The following PRSS54 variants were observed in gnomAD, a reference collection of about 807,000 sequenced individuals.
PRSS54 encodes serine protease 54, also known as inactive serine protease 54.
In PRSS54, 16 loss-of-function variants were observed where a neutral mutation model predicts 19.9. The ratio of observed to expected loss-of-function variants is 0.80; its 90% CI spans 0.54 to 1.22. PRSS54 has a LOEUF of 1.22. Among genes scored for constraint, PRSS54 ranks in the 50% most tolerant of loss-of-function variants. PRSS54 has a pLI of 0.00. For missense variants in PRSS54, 444 were observed against 494.8 expected (o/e 0.90, Z 0.97); for synonymous variants, 177 against 195.8 (o/e 0.90, Z 0.80).
chr16:58,280,319 C>G lies in PRSS54; in HGVS notation c.1093G>C (p.Glu365Gln), dbSNP rs1044034322. Reference protein sequence around the residue: ...YYDYYGGEVGEGRIFAGQNRL... With the variant: ...YYDYYGGEVGQGRIFAGQNRL... ...TTCTGACCTGCAAAAATCCTACCTT[C>G]CCCCACCTCCCCACCGTAATAGTCA... Residue 365 changes from glutamate to glutamine, a missense_variant, in exon 7 of 7, where the codon GAA becomes CAA. By Grantham distance (29) the Glu-to-Gln change is conservative (BLOSUM62 2). Transcript: ENST00000567164. 4 of 1,614,136 alleles carry G rather than the reference C, an allele frequency of 2.5e-6. No homozygotes were observed. The highest frequency in any genetic ancestry group is 2.5e-6 in the Non-Finnish European group (3 of 1,180,002).
intron 6 of PRSS54, chr16:58,282,259 C>T (rs1302063263): frequency 6.6e-6 from 1 of 152,300 alleles, no homozygotes; most frequent in Non-Finnish European, 1.5e-5. Flanking sequence ...CCCGCCTCGG[C>T]CTCCCCAAGT....
At position 58,280,577 on chromosome 16, in the gene PRSS54, G is replaced by T. The variant is rs374169713; in HGVS notation, c.835C>A (p.His279Asn). The T allele has an allele frequency of 5.0e-6, 8 of 1,614,180 alleles. No homozygotes were observed. Among genetic ancestry groups the T allele is most frequent in the African/African-American group, 4.0e-5 (3 of 75,044 alleles). Residue 279 changes from histidine (H) to asparagine (N), a missense_variant, in exon 7 of 7, where the codon CAC (histidine) becomes AAC (asparagine). Coordinates refer to ENST00000567164, the MANE Select transcript of PRSS54 (RefSeq NM_001305173.2). ...AAAGAAATCAACTTTTCCCAGTGGT[G>T]GAGTGAGGACAGGGGAGGGCCGGCC... ...ERAGPPLSSL[H>N]HWEKLISFSH...
Position 58,280,277 on chromosome 16 carries a change from C to T in PRSS54, c.1135G>A (p.Glu379Lys), listed in dbSNP as rs780162055. 1.3e-5 allele frequency: 21 copies of T among 1,613,754 alleles called. No individual in the cohort carries two copies. The highest frequency in any genetic ancestry group is 3.3e-5 in the Admixed American group (2 of 59,940). Residue 379 changes from glutamate to lysine, a missense_variant, in exon 7 of 7, where the codon GAA (glutamate) becomes AAA (lysine). Transcript: ENST00000567164. ...ACGAAGGAAACCAAGATGATTTCTT[C>T]GGGCTGATACAACCTGTTCTGACCT... The part of the protein sequence containing the change: ...FAGQNRLYQP[E>K]EIILVSFVLV...
rs148833798 is a variant in PRSS54, at chr16:58,285,505, G to C, written c.522+432C>G. 5.3e-5 allele frequency among the ~76,000 whole-genome samples: 8 copies of C among 152,286 alleles called. No homozygotes were observed. In the East Asian group the frequency reaches 1.5e-3, roughly 29 times the overall value. On this transcript the variant is annotated intron_variant, in intron 5 of 6. Transcript: ENST00000567164. Reference sequence around the variant, plus strand: ...TAATCCCAACACTTTGGAAGGCTGAGGTGGGAGGCTTGCTTGAGCCCAGGA... The same window carrying C: ...TAATCCCAACACTTTGGAAGGCTGACGTGGGAGGCTTGCTTGAGCCCAGGA...
At chr16:58,290,432 T>A (rs541059082) in intron 4 of PRSS54, among the ~76,000 whole-genome samples, 11 of 152,324 alleles carry the variant, frequency 7.2e-5, no homozygotes, top group African/African-American at 2.4e-4. Flanking sequence ...TTTAAAAGAA[T>A]GCATATTTGT....
intron 4 of PRSS54, among the ~76,000 whole-genome samples, chr16:58,288,689 A>C (rs1157903065): frequency 6.6e-6 from 1 of 152,200 alleles, no homozygotes; most frequent in African/African-American, 2.4e-5. Context: ...TAATGCGTGT[A>C]CAAGTATTTC....
At chr16:58,285,228 T>C (rs1964886989) in intron 5 of PRSS54, 1 of 157,616 alleles carries the variant, frequency 6.3e-6, no homozygotes, top group African/African-American at 2.4e-5. Flanking sequence ...GAGAACACCC[T>C]TCCTCCTCTT....
chr16:58,280,270 A>T lies in PRSS54; in HGVS notation c.1142T>A (p.Ile381Asn), dbSNP rs1964681943. 1 of 1,613,742 alleles carries T rather than the reference A, an allele frequency of 6.2e-7. No individual in the cohort carries two copies. Among genetic ancestry groups the T allele is most frequent in the Non-Finnish European group, 8.5e-7 (1 of 1,179,940 alleles). Reference sequence around the variant, plus strand: ...AACAAGCACGAAGGAAACCAAGATGATTTCTTCGGGCTGATACAACCTGTT... The same window carrying T: ...AACAAGCACGAAGGAAACCAAGATGTTTTCTTCGGGCTGATACAACCTGTT... ...GQNRLYQPEE[I>N]ILVSFVLVFF... The change falls in exon 7 of 7, where the codon ATC (isoleucine) becomes AAC (asparagine). Residue 381 changes from isoleucine to asparagine, a missense_variant. Transcript: ENST00000567164.
intron 4 of PRSS54, among the ~76,000 whole-genome samples, chr16:58,289,802 C>T (rs1199735343): frequency 1.3e-5 from 2 of 151,992 alleles, no homozygotes; most frequent in Non-Finnish European, 2.9e-5. Context: ...CACGAGAACT[C>T]CTGACCTCAA....
In PRSS54 at chr16:58,293,762, C is replaced by A; in HGVS notation, c.55G>T (p.Val19Leu). 6.2e-7 allele frequency: 1 copy of A among 1,613,444 alleles called. No homozygotes were observed. The highest frequency in any genetic ancestry group is 8.5e-7 in the Non-Finnish European group (1 of 1,179,790). The change falls in exon 3 of 7, where the codon GTG (valine) becomes TTG (leucine). Residue 19 changes from valine (V) to leucine (L), a missense_variant. Physicochemically the swap from Val to Leu is conservative, Grantham distance 32. Coordinates refer to ENST00000567164, the MANE Select transcript of PRSS54 (RefSeq NM_001305173.2). ...GAAGAATAGAGAAGGCCGAGCAGCA[C>A]CAGGAGCACCCCTCGCATCTTGCCA... Reference protein sequence around the residue: ...GDGKMRGVLLVLLGLLYSSTS... With the variant: ...GDGKMRGVLLLLLGLLYSSTS...
At chr16:58,284,467 G>A in intron 6 of PRSS54, 123 bp downstream of exon 6, 1 of 1,086,120 alleles carries the variant, frequency 9.2e-7, no homozygotes. Context: ...TCCAGAGACA[G>A]CCACTCATCC....
intron 5 of PRSS54, among the ~76,000 whole-genome samples, chr16:58,285,723 C>CAA (rs1178010291): frequency 6.2e-4 from 49 of 78,754 alleles, no homozygotes; most frequent in Admixed American, 1.8e-3. Context: ...GACCCTGTCT[C>CAA]AAAAAAAAAA....
intron 1 of PRSS54, among the ~76,000 whole-genome samples, chr16:58,294,462 T>C (rs1965104027): frequency 6.6e-6 from 1 of 152,220 alleles, no homozygotes; most frequent in East Asian, 1.9e-4. Flanking sequence ...GCGATTTTCC[T>C]GCCTCAGCTT....
At chr16:58,280,993 T>A in intron 6 of PRSS54, 2 of 501,634 alleles carry the variant, frequency 4.0e-6, no homozygotes, top group Non-Finnish European at 7.0e-6. Context: ...GCCTATAGCT[T>A]CCTGGTTCAT....
chr16:58,289,667 G>T (rs1964994552), intron 4 of PRSS54, among the ~76,000 whole-genome samples: 1 of 151,944 alleles, frequency 6.6e-6, no homozygotes, highest in Non-Finnish European at 1.5e-5. Context: ...CACCTCCCAG[G>T]TTCAAGTGAT....
At chr16:58,291,689 C>T (rs1965044452) in intron 3 of PRSS54, among the ~76,000 whole-genome samples, 1 of 152,136 alleles carries the variant, frequency 6.6e-6, no homozygotes, top group Non-Finnish European at 1.5e-5. Flanking sequence ...TTGCTATGTT[C>T]CCAGGCTGAT....
Position 58,280,015 on chromosome 16 carries a change from C to T in PRSS54, c.*209G>A. 1 of 627,776 alleles carries T rather than the reference C, an allele frequency of 1.6e-6. No individual in the cohort carries two copies. Among genetic ancestry groups the T allele is most frequent in the Non-Finnish European group, 2.8e-6 (1 of 362,546 alleles). 38.9% of individuals were successfully genotyped at this position (627,776 alleles called of 1,614,324 possible). Reference sequence around the variant, plus strand: ...ACTCTAATGGTTTGACACTTGTTAGCCAGCATTTAGTTCACAAGCATAGTG... The same window carrying T: ...ACTCTAATGGTTTGACACTTGTTAGTCAGCATTTAGTTCACAAGCATAGTG... On this transcript the variant is annotated 3_prime_UTR_variant, in exon 7 of 7. Transcript: ENST00000567164.
At position 58,280,697 on chromosome 16, in the gene PRSS54, C is replaced by G; in HGVS notation, c.715G>C (p.Gly239Arg). Reference protein sequence around the residue: ...LQQFDLWVLRGVLNFGGETCP... With the variant: ...LQQFDLWVLRRVLNFGGETCP... ...GTCTCACCACCGAAGTTCAGGACTC[C>G]TCTCAGAACCCACAGATCGAACTGC... Residue 239 changes from glycine (G) to arginine (R), a missense_variant, in exon 7 of 7, where the codon GGA becomes CGA. Gly to Arg is a moderately radical substitution (Grantham distance 125, BLOSUM62 -2). Coordinates refer to ENST00000567164, the MANE Select transcript of PRSS54 (RefSeq NM_001305173.2). The G allele has an allele frequency of 6.2e-7, 1 of 1,614,160 alleles. No individual in the cohort carries two copies. The highest frequency in any genetic ancestry group is 8.5e-7 in the Non-Finnish European group (1 of 1,180,004).
chr16:58,293,093 G>A (rs1426895786), intron 3 of PRSS54, among the ~76,000 whole-genome samples: 1 of 152,074 alleles, frequency 6.6e-6, no homozygotes, highest in Non-Finnish European at 1.5e-5. Flanking sequence ...TTGAGAGTGT[G>A]TGTGTGCGTG....
Sources: allele counts gnomAD v4.1 joint callset (sites outside exome capture counted in the v4.1 genomes callset), GRCh38; gene constraint gnomAD v4.1.1; transcripts MANE v1.5; gene names NCBI Gene and HGNC (gene_info 2026-07-23, HGNC 2026-07-21).